The following GPD2 variants were observed in gnomAD, a reference collection of about 807,000 sequenced individuals.
GPD2 encodes the protein glycerol-3-phosphate dehydrogenase, mitochondrial.
GPD2 carries 54 observed loss-of-function variants against 82.4 expected under a neutral mutation model. The observed-to-expected ratio is 0.66, with a 90% confidence interval of 0.53 to 0.82. The LOEUF (loss-of-function observed/expected upper bound fraction) is 0.82, where lower values mean the gene tolerates loss of function less well. Ranked by LOEUF, GPD2 falls within the 40% of genes least tolerant of loss-of-function variation. The pLI, the probability that GPD2 is intolerant of heterozygous loss-of-function variation, is 0.00. For missense variants in GPD2, 748 were observed against 896.2 expected (o/e 0.83, Z 2.11); for synonymous variants, 288 against 306.1 (o/e 0.94, Z 0.62).
chr2:156,504,044 G>A (rs1336718115), intron 3 of GPD2, among the ~76,000 whole-genome samples: 1 of 152,020 alleles, frequency 6.6e-6, no homozygotes, highest in Non-Finnish European at 1.5e-5. Flanking sequence ...ATTAAAGTAT[G>A]TTAATGATGT....
upstream of GPD2, among the ~76,000 whole-genome samples, chr2:156,431,612 T>C (rs903997446): frequency 1.3e-5 from 2 of 152,252 alleles, no homozygotes; most frequent in Non-Finnish European, 2.9e-5. Context: ...CTTAGGCATA[T>C]AGGAAATTGT....
chr2:156,517,445 G>A (rs1685241363), intron 6 of GPD2, among the ~76,000 whole-genome samples: 1 of 152,184 alleles, frequency 6.6e-6, no homozygotes, highest in Non-Finnish European at 1.5e-5. Context: ...AATGAAAATT[G>A]GGATAGTAAA....
intron 6 of GPD2, among the ~76,000 whole-genome samples, chr2:156,539,572 C>T (rs190376446): frequency 2.8e-3 from 431 of 152,242 alleles, no homozygotes; most frequent in Non-Finnish European, 4.9e-3. Context: ...TACCATGAAA[C>T]AGATAAAGGC....
intron 16 of GPD2, among the ~76,000 whole-genome samples, chr2:156,581,501 G>A (rs1026786957): frequency 9.2e-5 from 14 of 151,972 alleles, no homozygotes; most frequent in East Asian, 7.7e-4. Context: ...AAATTGTTCC[G>A]TCTTTAGATG....
chr2:156,416,678 A>C, the GPD2 span, among the ~76,000 whole-genome samples: 2 of 152,024 alleles, frequency 1.3e-5, no homozygotes, highest in Non-Finnish European at 2.9e-5. Flanking sequence ...TTTCATTTAG[A>C]ACTTTTATGT....
chr2:156,494,337 A>G (rs1277045943), intron 2 of GPD2, among the ~76,000 whole-genome samples: 1 of 152,222 alleles, frequency 6.6e-6, no homozygotes, highest in Non-Finnish European at 1.5e-5. Flanking sequence ...GACTGAGGAT[A>G]ATCCAAAGAT....
At position 156,505,780 on chromosome 2, in the gene GPD2, G is replaced by A. The variant is rs186856192; in HGVS notation, c.275-5016G>A. On this transcript the variant is annotated intron_variant, in intron 3 of 16. Transcript: ENST00000438166. ...CCTAAGAACACAAAATGCTAGCATT[G>A]AATATCACTTAATACTATTCACTAT... 4.0e-3 allele frequency among the ~76,000 whole-genome samples: 604 copies of A among 152,226 alleles called. 3 individuals carry two copies. The highest frequency in any genetic ancestry group is 0.014 in the African/African-American group (578 of 41,550).
the GPD2 span, among the ~76,000 whole-genome samples, chr2:156,412,361 C>T: frequency 1.3e-5 from 2 of 151,914 alleles, no homozygotes; most frequent in Admixed American, 6.6e-5. Context: ...ATTGCTTGAA[C>T]CCGGGAGGCG....
intron 5 of GPD2, among the ~76,000 whole-genome samples, chr2:156,512,621 A>G (rs1034989772): frequency 2.0e-5 from 3 of 152,212 alleles, no homozygotes; most frequent in Admixed American, 6.5e-5. Context: ...ATTAAGGAAC[A>G]TAAGAGGATC....
chr2:156,440,328 C>T (rs1353612993), intron 1 of GPD2, among the ~76,000 whole-genome samples: 1 of 152,206 alleles, frequency 6.6e-6, no homozygotes, highest in Non-Finnish European at 1.5e-5. Context: ...TTAGAATAGA[C>T]TTCTTCCTGT....
At chr2:156,419,964 T>A in the GPD2 span, among the ~76,000 whole-genome samples, 3 of 152,216 alleles carry the variant, frequency 2.0e-5, no homozygotes, top group African/African-American at 7.2e-5. Flanking sequence ...TACAGAAAAT[T>A]GTAGAATACA....
the GPD2 span, among the ~76,000 whole-genome samples, chr2:156,409,800 C>T: frequency 4.6e-5 from 7 of 152,174 alleles, no homozygotes; most frequent in Admixed American, 3.9e-4. Flanking sequence ...CCAAAGTTAA[C>T]ATCCTGGACC....
At chr2:156,507,056 T>A (rs890975067) in intron 3 of GPD2, among the ~76,000 whole-genome samples, 1 of 152,010 alleles carries the variant, frequency 6.6e-6, no homozygotes, top group Non-Finnish European at 1.5e-5. Context: ...CTGTATCACC[T>A]AGGCTGGAGT....
chr2:156,451,440 C>A (rs1234044639), intron 1 of GPD2, among the ~76,000 whole-genome samples: 1 of 127,472 alleles, frequency 7.8e-6, no homozygotes, highest in Non-Finnish European at 1.7e-5. Flanking sequence ...CACCTCCCTC[C>A]CGGACGGGGC....
chr2:156,451,385 C>T (rs1682567177), intron 1 of GPD2, among the ~76,000 whole-genome samples: 1 of 145,956 alleles, frequency 6.9e-6, no homozygotes, highest in Admixed American at 6.7e-5. Flanking sequence ...AGGCGCCCCT[C>T]ACCTCCCGGA....
intron 5 of GPD2, 89 bp from the exon 6 acceptor site, chr2:156,513,244 C>T: frequency 2.0e-6 from 2 of 1,003,552 alleles, no homozygotes; most frequent in Non-Finnish European, 3.2e-6. Context: ...CTTTGTTTTT[C>T]TTAAATGAAA....
chr2:156,559,003 T>A (rs948168351), intron 9 of GPD2, among the ~76,000 whole-genome samples: 1 of 151,984 alleles, frequency 6.6e-6, no homozygotes, highest in African/African-American at 2.4e-5. Context: ...TCATGTCTTA[T>A]TAGGGTGAAT....
Position 156,549,710 on chromosome 2 carries a change from A to G in GPD2, c.764A>G (p.Lys255Arg), listed in dbSNP as rs1267540711. ...ATGGAGGTAGTGAGCTTGCTCAAGAAGACAGACCCCCAGACAGGGAAAGTG... is the reference window on the plus strand; with the variant it reads ...ATGGAGGTAGTGAGCTTGCTCAAGAGGACAGACCCCCAGACAGGGAAAGTG... ...NYMEVVSLLK[K>R]TDPQTGKVRV... The change falls in exon 7 of 17, where the codon AAG becomes AGG. Residue 255 changes from lysine (K) to arginine (R), a missense_variant. Physicochemically the swap from Lys to Arg is conservative, Grantham distance 26. Coordinates refer to ENST00000438166, the MANE Select transcript of GPD2 (RefSeq NM_000408.5). 1.2e-6 allele frequency: 2 copies of G among 1,614,132 alleles called. No homozygotes were observed. Among genetic ancestry groups the G allele is most frequent in the South Asian group, 1.1e-5 (1 of 91,084 alleles).
chr2:156,467,768 G>A (rs532610124), intron 1 of GPD2, among the ~76,000 whole-genome samples: 1 of 152,138 alleles, frequency 6.6e-6, no homozygotes, highest in Non-Finnish European at 1.5e-5. Context: ...TTACAGAATA[G>A]ACCTCCTCTC....
Sources: allele counts gnomAD v4.1 joint callset (sites outside exome capture counted in the v4.1 genomes callset), GRCh38; gene constraint gnomAD v4.1.1; transcripts MANE v1.5; gene names NCBI Gene and HGNC (gene_info 2026-07-23, HGNC 2026-07-21).